NRP1: variants seen among roughly 807,000 people sequenced by gnomAD.
NRP1 encodes neuropilin 1, also known as neuropilin-1.
NRP1 carries 35 observed loss-of-function variants against 106.7 expected under a neutral mutation model. The observed-to-expected ratio is 0.33, with a 90% CI of 0.25 to 0.43. NRP1 has a LOEUF of 0.43. Ranked by LOEUF, NRP1 falls within the 20% of genes least tolerant of loss-of-function variation. The pLI is 1.00. For missense variants in NRP1, 1,024 were observed against 1,170.4 expected, an observed-to-expected ratio of 0.87 and a Z score of 1.83; for synonymous variants, 437 against 417.9, an observed-to-expected ratio of 1.05 and a Z score of -0.56.
intron 6 of NRP1, among the ~76,000 whole-genome samples, chr10:33,242,241 T>C (rs746071858): frequency 3.3e-5 from 5 of 152,156 alleles, no homozygotes; most frequent in Non-Finnish European, 7.4e-5. Flanking sequence ...AGAGGAAATA[T>C]CATGTTAAAT....
chr10:33,266,191 G>C (rs565860806), intron 3 of NRP1, among the ~76,000 whole-genome samples: 1 of 152,280 alleles, frequency 6.6e-6, no homozygotes, highest in African/African-American at 2.4e-5. Context: ...CAGGAATTAA[G>C]GTCATACTTT....
intron 2 of NRP1, among the ~76,000 whole-genome samples, chr10:33,291,267 C>A (rs963315845): frequency 5.9e-5 from 9 of 152,198 alleles, no homozygotes; most frequent in African/African-American, 2.2e-4. Context: ...AAATTAGGAT[C>A]CTAGGTTTAA....
At chr10:33,224,710 C>T (rs936115099) in intron 7 of NRP1, among the ~76,000 whole-genome samples, 1 of 152,072 alleles carries the variant, frequency 6.6e-6, no homozygotes, top group Admixed American at 6.5e-5. Flanking sequence ...TGATGCTCTC[C>T]GTCCTCCCAC....
chr10:33,213,827 T>G, intron 8 of NRP1, 110 bp from the exon 9 acceptor site: 1 of 857,832 alleles, frequency 1.2e-6, no homozygotes, highest in Non-Finnish European at 1.8e-6. Context: ...CCCAATCATA[T>G]ACAATTTTCA....
At chr10:33,266,361 T>G (rs1842915634) in intron 3 of NRP1, among the ~76,000 whole-genome samples, 1 of 152,142 alleles carries the variant, frequency 6.6e-6, no homozygotes, top group Non-Finnish European at 1.5e-5. Context: ...AGTCCTGAGA[T>G]TCACTCACCC....
intron 2 of NRP1, among the ~76,000 whole-genome samples, chr10:33,324,699 C>T (rs950156868): frequency 6.6e-5 from 10 of 152,102 alleles, no homozygotes; most frequent in African/African-American, 2.4e-4. Context: ...TGCAATGGTG[C>T]GGATCTTGGC....
chr10:33,221,988 C>T lies in NRP1; in HGVS notation c.1138-125G>A. On this transcript the variant is annotated intron_variant, in intron 7 of 16. Transcript: ENST00000374867. The stretch of plus-strand genomic sequence containing the variant: ...GTGTTGTCGATCAAGGATGAGATGG[C>T]GTTAATAACTCGCCATGTTAATTTT... The T allele has an allele frequency of 1.0e-5, 10 of 967,802 alleles. 1 individual carries two copies. Among genetic ancestry groups the T allele is most frequent in the South Asian group, 3.2e-5 (2 of 62,280 alleles). The allele number at this position is 967,802 out of a possible 1,614,324, so 60.0% of individuals were successfully genotyped here. A position where few individuals can be genotyped will look rare whatever the true frequency, so the allele number is the denominator to read the frequency against.
At chr10:33,298,870 T>C (rs1478537328) in intron 2 of NRP1, among the ~76,000 whole-genome samples, 2 of 152,172 alleles carry the variant, frequency 1.3e-5, no homozygotes, top group African/African-American at 2.4e-5. Context: ...GCTAGAATGT[T>C]GTCAGAATAA....
intron 2 of NRP1, among the ~76,000 whole-genome samples, chr10:33,308,939 G>T (rs1389865850): frequency 6.6e-6 from 1 of 152,146 alleles, no homozygotes; most frequent in Non-Finnish European, 1.5e-5. Context: ...TTATGAAAAT[G>T]TTAGTCCCAA....
intron 12 of NRP1, chr10:33,194,736 G>C: frequency 1.9e-6 from 1 of 527,768 alleles, no homozygotes; most frequent in South Asian, 1.4e-5. Context: ...TTTTGTTGGG[G>C]AGGGTTATGG....
At chr10:33,202,565 A>T in intron 11 of NRP1, 2 of 1,304,752 alleles carry the variant, frequency 1.5e-6, no homozygotes, top group South Asian at 1.6e-5. Context: ...TGCACGTGTT[A>T]TTGGGGGGGG....
intron 4 of NRP1, among the ~76,000 whole-genome samples, chr10:33,263,037 A>G (rs1842679481): frequency 6.6e-6 from 1 of 152,226 alleles, no homozygotes; most frequent in African/African-American, 2.4e-5. Context: ...TGCATAGGTC[A>G]ATGACTATAA....
chr10:33,207,665 C>T lies in NRP1; in HGVS notation c.1666G>A (p.Ala556Thr). ...YDTPELRTFP[A>T]LSTRFIRIYP... Reference sequence around the variant, plus strand: ...ATCCTGATGAATCGCGTGGAGAGAGCTGGAAAAGTCCGCAGCTCAGGTGTA... The same window carrying T: ...ATCCTGATGAATCGCGTGGAGAGAGTTGGAAAAGTCCGCAGCTCAGGTGTA... The change falls in exon 10 of 17, where the codon GCT (alanine) becomes ACT (threonine). Residue 556 changes from alanine to threonine, a missense_variant. Physicochemically the swap from Ala to Thr is moderately conservative, Grantham distance 58. Transcript: ENST00000374867. 6.2e-7 allele frequency: 1 copy of T among 1,614,060 alleles called. No individual in the cohort carries two copies. Among genetic ancestry groups the T allele is most frequent in the Non-Finnish European group, 8.5e-7 (1 of 1,180,008 alleles).
intron 6 of NRP1, among the ~76,000 whole-genome samples, chr10:33,228,449 C>G (rs1374207561): frequency 6.6e-6 from 1 of 152,112 alleles, no homozygotes; most frequent in East Asian, 1.9e-4. Context: ...TTGAATTTTG[C>G]TTTCCAGTTG....
intron 4 of NRP1, 47 bp from the exon 5 acceptor site, chr10:33,256,518 C>T: frequency 1.3e-6 from 2 of 1,596,394 alleles, no homozygotes; most frequent in Non-Finnish European, 1.7e-6. Flanking sequence ...TTTTCTCCTG[C>T]AGCAGATGCA....
At chr10:33,235,748 A>T (rs1479980481) in intron 6 of NRP1, among the ~76,000 whole-genome samples, 1 of 152,020 alleles carries the variant, frequency 6.6e-6, no homozygotes, top group Non-Finnish European at 1.5e-5. Context: ...GGGTTTCTAT[A>T]CACTCTGAAA....
At chr10:33,266,633 C>T (rs1842934666) in intron 3 of NRP1, among the ~76,000 whole-genome samples, 1 of 152,202 alleles carries the variant, frequency 6.6e-6, no homozygotes, top group Admixed American at 6.5e-5. Context: ...ATGGTGAATA[C>T]ACGTGATAGT....
chr10:33,299,180 C>T (rs1399021683), intron 2 of NRP1, among the ~76,000 whole-genome samples: 1 of 152,178 alleles, frequency 6.6e-6, no homozygotes, highest in African/African-American at 2.4e-5. Context: ...CGATGCTACG[C>T]CTTTTCTAGA....
chr10:33,187,945 A>G (rs1427632229), intron 13 of NRP1, among the ~76,000 whole-genome samples: 1 of 152,200 alleles, frequency 6.6e-6, no homozygotes, highest in Non-Finnish European at 1.5e-5. Flanking sequence ...GGGTGGAATC[A>G]TAAAGGAAGG....
Sources: gnomAD v4.1 joint callset for allele counts (sites outside exome capture counted in the v4.1 genomes callset) on GRCh38, gnomAD v4.1.1 for gene constraint, MANE v1.5 for transcripts, NCBI Gene and HGNC (gene_info 2026-07-23, HGNC 2026-07-21) for gene names.